Variants in TTBK2 observed in about 807,000 individuals in gnomAD.
TTBK2 encodes tau-tubulin kinase 2.
Under a neutral mutation model 110.8 loss-of-function variants are expected in TTBK2, and 28 were observed. That is an observed-to-expected ratio of 0.25 (90% confidence interval 0.19 to 0.35). TTBK2 has a LOEUF of 0.35. TTBK2 is among the 10% of genes least tolerant of loss of function. The probability of loss-of-function intolerance (pLI) is 1.00; values close to 1 mark genes in which losing one functional copy is unlikely to be tolerated. For missense variants in TTBK2, 1,369 were observed against 1,500.3 expected, an observed-to-expected ratio of 0.91 and a Z score of 1.45; for synonymous variants, 532 against 527.3, an observed-to-expected ratio of 1.01 and a Z score of -0.12.
intron 4 of TTBK2, among the ~76,000 whole-genome samples, chr15:42,838,353 GGT>G (rs376921873): frequency 0.012 from 1,838 of 147,168 alleles, 32 homozygotes; most frequent in African/African-American, 0.035. Flanking sequence ...TATAATTCAG[GGT>G]GTGTGTGTGT....
At chr15:42,791,731 C>G (rs1890695751) in intron 10 of TTBK2, among the ~76,000 whole-genome samples, 1 of 152,226 alleles carries the variant, frequency 6.6e-6, no homozygotes, top group Admixed American at 6.5e-5. Context: ...CAGTCCTAGG[C>G]ATCATGGCTG....
At chr15:42,824,788 T>C (rs1201385391) in intron 6 of TTBK2, among the ~76,000 whole-genome samples, 1 of 152,072 alleles carries the variant, frequency 6.6e-6, no homozygotes, top group East Asian at 1.9e-4. Context: ...AACCAGGTGA[T>C]GAAATACTCT....
At chr15:42,758,923 G>C (rs969676173) in intron 13 of TTBK2, among the ~76,000 whole-genome samples, 1 of 152,106 alleles carries the variant, frequency 6.6e-6, no homozygotes, top group Non-Finnish European at 1.5e-5. Flanking sequence ...CTTTGCTCCA[G>C]ATTAGGAGAA....
At chr15:42,747,128 C>T (rs989118280) in intron 14 of TTBK2, among the ~76,000 whole-genome samples, 1 of 152,044 alleles carries the variant, frequency 6.6e-6, no homozygotes, top group Non-Finnish European at 1.5e-5. Context: ...GTAGTGCATG[C>T]CTGGCTAATT....
intron 1 of TTBK2, among the ~76,000 whole-genome samples, chr15:42,917,242 C>T (rs2031130616): frequency 6.6e-6 from 1 of 151,416 alleles, no homozygotes; most frequent in Non-Finnish European, 1.5e-5. Context: ...AAAAAAAAAT[C>T]ACAGGAAAAA....
At chr15:42,847,319 C>G (rs1056662177) in intron 3 of TTBK2, among the ~76,000 whole-genome samples, 7 of 152,266 alleles carry the variant, frequency 4.6e-5, no homozygotes, top group African/African-American at 1.7e-4. Context: ...TTTATATATT[C>G]TGAAAATAAG....
At chr15:42,857,077 AT>A (rs1379500971) in intron 3 of TTBK2, among the ~76,000 whole-genome samples, 1 of 152,014 alleles carries the variant, frequency 6.6e-6, no homozygotes, top group Non-Finnish European at 1.5e-5. Flanking sequence ...AAAAAAAAAA[AT>A]CTATCAATAT....
intron 9 of TTBK2, among the ~76,000 whole-genome samples, chr15:42,798,825 G>C (rs1164345301): frequency 1.3e-5 from 2 of 152,184 alleles, no homozygotes; most frequent in Admixed American, 1.3e-4. Context: ...GTAGGGAAGA[G>C]AAGCAGTTAA....
At chr15:42,915,170 T>C (rs1221938891) in intron 1 of TTBK2, among the ~76,000 whole-genome samples, 1 of 152,216 alleles carries the variant, frequency 6.6e-6, no homozygotes, top group African/African-American at 2.4e-5. Flanking sequence ...AATAAACAAT[T>C]CATACGTTTT....
intron 3 of TTBK2, among the ~76,000 whole-genome samples, chr15:42,861,848 A>C (rs1043352760): frequency 1.3e-5 from 2 of 152,154 alleles, no homozygotes; most frequent in Non-Finnish European, 2.9e-5. Flanking sequence ...CACTAGCTAC[A>C]TTACCAAAGG....
At chr15:42,897,640 T>C (rs1219684752) in intron 1 of TTBK2, among the ~76,000 whole-genome samples, 1 of 152,170 alleles carries the variant, frequency 6.6e-6, no homozygotes, top group Non-Finnish European at 1.5e-5. Context: ...GCAACATTCA[T>C]CCATTCGACA....
intron 9 of TTBK2, chr15:42,801,659 C>T (rs1263704228): frequency 4.5e-6 from 4 of 887,084 alleles, no homozygotes; most frequent in African/African-American, 3.3e-5. Context: ...GTCCAGGAAG[C>T]GGCTGTTGTC....
chr15:42,790,840 C>G (rs1890637865), intron 10 of TTBK2, among the ~76,000 whole-genome samples: 1 of 151,788 alleles, frequency 6.6e-6, no homozygotes, highest in Non-Finnish European at 1.5e-5. Flanking sequence ...GCTGGGACTA[C>G]AGGTGTGCGC....
At chr15:42,837,987 C>T (rs1371317368) in intron 4 of TTBK2, among the ~76,000 whole-genome samples, 3 of 152,166 alleles carry the variant, frequency 2.0e-5, no homozygotes, top group East Asian at 1.9e-4. Flanking sequence ...GCAGGCGGAT[C>T]GCCTGAGGTT....
intron 10 of TTBK2, among the ~76,000 whole-genome samples, chr15:42,789,261 CTG>C (rs1263460953): frequency 2.6e-5 from 4 of 151,346 alleles, no homozygotes; most frequent in Non-Finnish European, 5.9e-5. Flanking sequence ...TTCTCAATCT[CTG>C]TGTATTTGAG....
intron 9 of TTBK2, among the ~76,000 whole-genome samples, chr15:42,809,424 T>A (rs1415042718): frequency 6.6e-6 from 1 of 152,238 alleles, no homozygotes; most frequent in East Asian, 1.9e-4. Context: ...AAGAAGAGAA[T>A]GTGATCAAAG....
chr15:42,816,050 A>C (rs1197494696), intron 7 of TTBK2, among the ~76,000 whole-genome samples: 8 of 110,638 alleles, frequency 7.2e-5, no homozygotes, highest in Non-Finnish European at 1.2e-4. Flanking sequence ...CCCTCTCTCT[A>C]TATAAAAATA....
chr15:42,815,616 A>G (rs1273021213), intron 7 of TTBK2, among the ~76,000 whole-genome samples: 1 of 151,650 alleles, frequency 6.6e-6, no homozygotes, highest in Non-Finnish European at 1.5e-5. Flanking sequence ...GTGAGGGGAG[A>G]TATTTTTAAA....
intron 1 of TTBK2, among the ~76,000 whole-genome samples, chr15:42,903,483 C>T (rs1437729849): frequency 6.6e-6 from 1 of 152,132 alleles, no homozygotes; most frequent in Non-Finnish European, 1.5e-5. Flanking sequence ...GACTACTAGG[C>T]ACTCCTCAGA....
Sources: allele counts gnomAD v4.1 joint callset (sites outside exome capture counted in the v4.1 genomes callset), GRCh38; gene constraint gnomAD v4.1.1; transcripts MANE v1.5; gene names NCBI Gene and HGNC (gene_info 2026-07-23, HGNC 2026-07-21).